FAIM2: variants seen among roughly 807,000 people sequenced by gnomAD.
The protein encoded by FAIM2 is Fas apoptotic inhibitory molecule 2.
A neutral mutation model predicts 47.4 loss-of-function variants in FAIM2; 27 were observed. The ratio of observed to expected loss-of-function variants is 0.57; its 90% CI spans 0.42 to 0.78. The LOEUF (loss-of-function observed/expected upper bound fraction) is 0.78. Ranked by LOEUF, FAIM2 falls within the 30% of genes least tolerant of loss-of-function variation. The pLI is 0.00. For synonymous variants in FAIM2, 156 were observed against 159.3 expected (o/e 0.98, Z 0.16); for missense variants, 311 against 389.4 (o/e 0.80, Z 1.69).
intron 11 of FAIM2, among the ~76,000 whole-genome samples, chr12:49,876,200 C>T (rs1946735339): frequency 6.6e-6 from 1 of 152,182 alleles, no homozygotes; most frequent in Non-Finnish European, 1.5e-5. Flanking sequence ...TGATCATTGA[C>T]CACACACCAG....
At chr12:49,887,066 C>T (rs1037494910) in intron 11 of FAIM2, among the ~76,000 whole-genome samples, 2 of 152,040 alleles carry the variant, frequency 1.3e-5, no homozygotes, top group African/African-American at 4.8e-5. Flanking sequence ...GGCCAGGATA[C>T]CCCCACTCTC....
At chr12:49,889,646 T>G in intron 8 of FAIM2, 78 bp from the exon 9 acceptor site, 2 of 1,211,054 alleles carry the variant, frequency 1.7e-6, no homozygotes, top group Non-Finnish European at 2.4e-6. Context: ...GGCCCCTCTC[T>G]TCTGCCAGGA....
At chr12:49,893,296 C>T (rs1391381552) in intron 5 of FAIM2, among the ~76,000 whole-genome samples, 1 of 152,064 alleles carries the variant, frequency 6.6e-6, no homozygotes, top group Non-Finnish European at 1.5e-5. Context: ...CTGCTGTGCT[C>T]CCTGGAAACG....
chr12:49,880,940 G>A lies in FAIM2; in HGVS notation c.801+6446C>T, dbSNP rs140228484. On this transcript the variant is annotated intron_variant, in intron 11 of 11. Transcript: ENST00000320634. ...CTGTCTTGGCTTCAGCGCATGCTCAGCTTAGCAGCAGCTGCCTCAGGCTGG... is the reference window on the plus strand; with the variant it reads ...CTGTCTTGGCTTCAGCGCATGCTCAACTTAGCAGCAGCTGCCTCAGGCTGG... Among the ~76,000 whole-genome samples the A allele has an allele frequency of 3.9e-5, 6 of 152,146 alleles. No individual in the cohort carries two copies. The East Asian group carries it at 1.2e-3, about 29-fold the overall frequency.
chr12:49,868,276 G>A lies in FAIM2; in HGVS notation c.*2228C>T, dbSNP rs2137074894. 1 of 152,464 alleles carries A rather than the reference G, an allele frequency of 6.6e-6. No individual in the cohort carries two copies. Among genetic ancestry groups the A allele is most frequent in the South Asian group, 2.1e-4 (1 of 4,824 alleles). The allele number at this position is 152,464 out of a possible 1,614,324, so 9.4% of individuals were successfully genotyped here. ...TGGGAACCGGGTGAGAAAGTCAGTGGAGAGAAATGTTCTGGTGCCTCTCCC... is the reference window on the plus strand; with the variant it reads ...TGGGAACCGGGTGAGAAAGTCAGTGAAGAGAAATGTTCTGGTGCCTCTCCC... On this transcript the variant is annotated 3_prime_UTR_variant, in exon 12 of 12. Transcript: ENST00000320634.
chr12:49,877,878 ATATGTGTATGTGGG>A (rs907964482), intron 11 of FAIM2, among the ~76,000 whole-genome samples: 3 of 148,606 alleles, frequency 2.0e-5, no homozygotes, highest in African/African-American at 7.5e-5. Context: ...GTGTATACAT[ATATGTGTATGTGGG>A]TATGTGTGTG....
intron 4 of FAIM2, among the ~76,000 whole-genome samples, 163 bp downstream of exon 4, chr12:49,897,356 T>C (rs1419047465): frequency 1.3e-5 from 2 of 152,250 alleles, no homozygotes; most frequent in Non-Finnish European, 2.9e-5. Flanking sequence ...GAGGGCCCCT[T>C]GCCTGGTGCC....
At chr12:49,894,293 G>A (rs187815855) in intron 5 of FAIM2, among the ~76,000 whole-genome samples, 1 of 152,296 alleles carries the variant, frequency 6.6e-6, no homozygotes, top group East Asian at 1.9e-4. Context: ...ACAGCTTCCT[G>A]GAAAGTCTCT....
At chr12:49,888,599 A>G (rs1349449771) in intron 10 of FAIM2, among the ~76,000 whole-genome samples, 1 of 152,152 alleles carries the variant, frequency 6.6e-6, no homozygotes, top group Non-Finnish European at 1.5e-5. Flanking sequence ...CACCTCTAAA[A>G]GAGCTGAGAC....
chr12:49,896,183 C>T (rs560461231), intron 5 of FAIM2, among the ~76,000 whole-genome samples: 100 of 152,302 alleles, frequency 6.6e-4, no homozygotes, highest in African/African-American at 2.4e-3. Flanking sequence ...CCTCCTCTCC[C>T]GCAGCCCCCG....
At chr12:49,886,866 T>C (rs1946865368) in intron 11 of FAIM2, among the ~76,000 whole-genome samples, 1 of 152,220 alleles carries the variant, frequency 6.6e-6, no homozygotes, top group African/African-American at 2.4e-5. Flanking sequence ...GGGAAGCAAG[T>C]GTTCAATAAA....
chr12:49,889,396 T>C lies in FAIM2; in HGVS notation c.651+85A>G, dbSNP rs970221698. ...CTTTACTTCTCTCCCCAGCCCCAGG[T>C]CCGAGCTCTGAGGCCCCCACCCCAT... On this transcript the variant is annotated intron_variant, in intron 9 of 11. Transcript: ENST00000320634. The C allele has an allele frequency of 3.9e-6, 5 of 1,288,056 alleles. No individual in the cohort carries two copies. The African/African-American group carries it at 5.9e-5, about 15-fold the overall frequency. The allele number at this position is 1,288,056 out of a possible 1,614,324, so 79.8% of individuals were successfully genotyped here.
intron 11 of FAIM2, among the ~76,000 whole-genome samples, chr12:49,880,760 G>A (rs1946818319): frequency 6.6e-6 from 1 of 152,002 alleles, no homozygotes; most frequent in Non-Finnish European, 1.5e-5. Context: ...GTGTGCGCAT[G>A]TGGGTATGTG....
At chr12:49,871,802 G>T (rs1224923500) in intron 11 of FAIM2, among the ~76,000 whole-genome samples, 1 of 152,018 alleles carries the variant, frequency 6.6e-6, no homozygotes, top group Non-Finnish European at 1.5e-5. Context: ...GAGGAGCTAG[G>T]ATTACAGGCA....
rs1407071306 is a variant in FAIM2, at chr12:49,887,437, C to T, written c.750G>A (p.Val250=). The T allele has an allele frequency of 6.2e-7, 1 of 1,610,896 alleles. No homozygotes were observed. The highest frequency in any genetic ancestry group is 1.1e-5 in the South Asian group (1 of 90,336). The change falls in exon 11 of 12, where the codon GTG becomes GTA. Residue 250 remains valine (V), a splice_region_variant and synonymous_variant. Coordinates refer to ENST00000320634, the MANE Select transcript of FAIM2 (RefSeq NM_012306.4). ...CTGCATAAACTGCATGGAGCCAGGG[C>T]ACCTGCGGCAGAGGAAAAATGGGCT... ...ILAILLPFQY[V]PWLHAVYAAL...
intron 11 of FAIM2, among the ~76,000 whole-genome samples, chr12:49,875,702 G>A (rs1419384233): frequency 3.9e-5 from 6 of 152,184 alleles, no homozygotes; most frequent in Non-Finnish European, 8.8e-5. Context: ...TGGGCCAGGT[G>A]CGGTGGTTCA....
chr12:49,880,072 A>G (rs1461825142), intron 11 of FAIM2, among the ~76,000 whole-genome samples: 2 of 148,068 alleles, frequency 1.4e-5, no homozygotes, highest in Non-Finnish European at 3.0e-5. Flanking sequence ...ATTTGTGTGC[A>G]TGAGTGTATG....
intron 8 of FAIM2, 96 bp downstream of exon 8, chr12:49,890,021 C>CCCCCGG: frequency 3.2e-6 from 4 of 1,256,072 alleles, no homozygotes; most frequent in Non-Finnish European, 4.6e-6. Context: ...CATCCACATG[C>CCCCCGG]TCCCATGTGT....
chr12:49,883,011 T>C (rs1466294365), intron 11 of FAIM2, among the ~76,000 whole-genome samples: 1 of 151,952 alleles, frequency 6.6e-6, no homozygotes, highest in Non-Finnish European at 1.5e-5. Flanking sequence ...CTGCACACAC[T>C]TGAAGGATGG....
Sources: gnomAD v4.1 joint callset for allele counts (sites outside exome capture counted in the v4.1 genomes callset) on GRCh38, gnomAD v4.1.1 for gene constraint, MANE v1.5 for transcripts, NCBI Gene and HGNC (gene_info 2026-07-23, HGNC 2026-07-21) for gene names.